Variants in CADM2 observed in about 807,000 individuals in gnomAD.
The protein encoded by CADM2 is cell adhesion molecule 2, also known as immunoglobulin superfamily member 4D.
Under a neutral mutation model 49.8 loss-of-function variants are expected in CADM2, and 12 were observed. That is an observed-to-expected ratio of 0.24 (90% CI 0.15 to 0.39). The LOEUF (loss-of-function observed/expected upper bound fraction) is 0.39. Among genes scored for constraint, CADM2 ranks in the 10% least tolerant of loss-of-function variants. The pLI is 1.00. For synonymous variants in CADM2, 214 were observed against 175.4 expected, an observed-to-expected ratio of 1.22 and a Z score of -1.74; for missense variants, 378 against 492.3, an observed-to-expected ratio of 0.77 and a Z score of 2.20.
chr3:85,732,064 A>C (rs1577185021), intron 2 of CADM2, among the ~76,000 whole-genome samples: 1 of 143,134 alleles, frequency 7.0e-6, no homozygotes, highest in Admixed American at 7.3e-5. Flanking sequence ...GCTGGCCAAC[A>C]TGGTGAAAAC....
At chr3:85,426,848 A>G (rs1005478389) in intron 1 of CADM2, among the ~76,000 whole-genome samples, 1 of 152,104 alleles carries the variant, frequency 6.6e-6, no homozygotes, top group African/African-American at 2.4e-5. Flanking sequence ...AGACATTGAC[A>G]TGCTAAAATT....
chr3:85,317,792 A>C (rs574508945), intron 1 of CADM2, among the ~76,000 whole-genome samples: 1 of 152,244 alleles, frequency 6.6e-6, no homozygotes, highest in Non-Finnish European at 1.5e-5. Context: ...TCCGGGGTAC[A>C]TATTCATGCT....
chr3:85,014,550 C>T (rs776645569), intron 1 of CADM2, among the ~76,000 whole-genome samples: 14 of 152,092 alleles, frequency 9.2e-5, no homozygotes, highest in Non-Finnish European at 2.1e-4. Context: ...AATATATCTT[C>T]CATGAATGAG....
chr3:86,015,415 CTGTGGATCT>C (rs1391021065), intron 8 of CADM2, among the ~76,000 whole-genome samples: 1 of 152,164 alleles, frequency 6.6e-6, no homozygotes, highest in African/African-American at 2.4e-5. Context: ...TTTATTATCA[CTGTGGATCT>C]CTACTTGTTG....
chr3:85,309,375 A>C (rs1471493666), intron 1 of CADM2, among the ~76,000 whole-genome samples: 2 of 152,264 alleles, frequency 1.3e-5, no homozygotes, highest in East Asian at 3.9e-4. Context: ...GTTTGGATTC[A>C]AATTTCCACA....
chr3:85,123,037 A>G (rs1346168057), intron 1 of CADM2, among the ~76,000 whole-genome samples: 1 of 152,172 alleles, frequency 6.6e-6, no homozygotes, highest in Non-Finnish European at 1.5e-5. Context: ...GGAGTTTTCC[A>G]TGAAAAAGAT....
chr3:85,959,119 T>C (rs1177406077), intron 7 of CADM2, among the ~76,000 whole-genome samples: 4 of 147,574 alleles, frequency 2.7e-5, no homozygotes, highest in African/African-American at 1.0e-4. Flanking sequence ...TATATCTATA[T>C]AGCTATATAG....
chr3:85,728,553 G>T (rs2067801608), intron 2 of CADM2, among the ~76,000 whole-genome samples: 1 of 151,944 alleles, frequency 6.6e-6, no homozygotes, highest in Non-Finnish European at 1.5e-5. Context: ...AAAAAAAAGT[G>T]GATAAGAGGA....
intron 1 of CADM2, among the ~76,000 whole-genome samples, chr3:85,182,913 G>C (rs181287016): frequency 3.3e-5 from 5 of 152,090 alleles, no homozygotes; most frequent in Admixed American, 3.3e-4. Context: ...TTGCTCTTTA[G>C]AATTCAAGTT....
chr3:85,859,082 T>G (rs2075420902), intron 3 of CADM2, among the ~76,000 whole-genome samples: 1 of 152,162 alleles, frequency 6.6e-6, no homozygotes, highest in Non-Finnish European at 1.5e-5. Flanking sequence ...ATTTGAGAAG[T>G]ATAGAAATGA....
rs1421710639 is a variant in CADM2 at position 86,073,001 on chromosome 3, C to T, written c.*6218C>T. On this transcript the variant is annotated 3_prime_UTR_variant, in exon 10 of 10. Transcript: ENST00000383699. ...TCAATGACGCAGTTAAGTCATCACC[C>T]AAGGATTTATGAATTTGAGATTACT... 1 of 151,962 alleles carries T rather than the reference C, an allele frequency of 6.6e-6. No homozygotes were observed. Among genetic ancestry groups the T allele is most frequent in the African/African-American group, 2.4e-5 (1 of 41,382 alleles). 9.4% of individuals were successfully genotyped at this position (151,962 alleles called of 1,614,324 possible).
intron 1 of CADM2, among the ~76,000 whole-genome samples, chr3:85,234,779 T>C (rs1037167025): frequency 1.3e-5 from 2 of 152,194 alleles, no homozygotes; most frequent in African/African-American, 4.8e-5. Context: ...AGAGTAGTAG[T>C]AGTTTTTTGC....
intron 1 of CADM2, among the ~76,000 whole-genome samples, chr3:85,426,737 T>C (rs935590285): frequency 1.3e-5 from 2 of 152,154 alleles, no homozygotes; most frequent in African/African-American, 4.8e-5. Flanking sequence ...GAATTTTGTG[T>C]AATAAAAATT....
intron 1 of CADM2, among the ~76,000 whole-genome samples, chr3:85,695,055 T>G (rs2066508726): frequency 6.6e-6 from 1 of 152,236 alleles, no homozygotes. Context: ...ATGTCTCGTG[T>G]TTTTCATTGT....
intron 1 of CADM2, among the ~76,000 whole-genome samples, chr3:85,279,526 T>C (rs1489087104): frequency 1.3e-5 from 2 of 151,528 alleles, no homozygotes; most frequent in Non-Finnish European, 3.0e-5. Context: ...TAATTGTATA[T>C]ATTTCCTGCA....
At chr3:85,426,689 T>G (rs2036421954) in intron 1 of CADM2, among the ~76,000 whole-genome samples, 1 of 152,112 alleles carries the variant, frequency 6.6e-6, no homozygotes, top group Non-Finnish European at 1.5e-5. Context: ...TTGACTATAG[T>G]CACCCAGTTG....
In CADM2 at chr3:85,532,906, G is replaced by A. The variant is rs910303233; in HGVS notation, c.62-193616G>A. Reference sequence around the variant, plus strand: ...ATCCTTAGCAAACTAATGCAGGAACGGAAAACCAAATACCACATGTTCTCA... The same window carrying A: ...ATCCTTAGCAAACTAATGCAGGAACAGAAAACCAAATACCACATGTTCTCA... On this transcript the variant is annotated intron_variant, in intron 1 of 9. Coordinates refer to ENST00000383699, the MANE Select transcript of CADM2 (RefSeq NM_001167675.2). 7.2e-5 allele frequency among the ~76,000 whole-genome samples: 11 copies of A among 152,186 alleles called. No homozygotes were observed. The South Asian group carries it at 1.5e-3, about 20-fold the overall frequency.
chr3:85,168,433 A>G lies in CADM2; in HGVS notation c.61+208765A>G, dbSNP rs564028422. ...TGACCATGTTGTCAATGTTCACAACATTATTGATAATACCTGTGTGGTATT... is the reference window on the plus strand; with the variant it reads ...TGACCATGTTGTCAATGTTCACAACGTTATTGATAATACCTGTGTGGTATT... On this transcript the variant is annotated intron_variant, in intron 1 of 9. Coordinates refer to ENST00000383699, the MANE Select transcript of CADM2 (RefSeq NM_001167675.2). Among the ~76,000 whole-genome samples the G allele has an allele frequency of 2.2e-3, 339 of 152,324 alleles. 1 individual carries two copies. Among genetic ancestry groups the G allele is most frequent in the African/African-American group, 7.4e-3 (306 of 41,580 alleles).
chr3:85,961,551 A>T lies in CADM2; in HGVS notation c.874A>T (p.Ile292Phe). The change falls in exon 8 of 10, where the codon ATT becomes TTT. Residue 292 changes from isoleucine to phenylalanine, a missense_variant. Transcript: ENST00000383699. Reference protein sequence around the residue: ...RMVVSGRELNILFLNKTDNGT... With the variant: ...RMVVSGRELNFLFLNKTDNGT... The stretch of plus-strand genomic sequence containing the variant: ...GGTTGTGAGTGGTAGGGAGCTAAAC[A>T]TTCTTTTCCTGAACAAAACGGATAA... The T allele has an allele frequency of 6.2e-7, 1 of 1,610,976 alleles. No individual in the cohort carries two copies. The highest frequency in any genetic ancestry group is 8.5e-7 in the Non-Finnish European group (1 of 1,177,776).
Sources: allele counts gnomAD v4.1 joint callset (sites outside exome capture counted in the v4.1 genomes callset), GRCh38; gene constraint gnomAD v4.1.1; transcripts MANE v1.5; gene names NCBI Gene and HGNC (gene_info 2026-07-23, HGNC 2026-07-21).